Variants in BCO2 observed in about 807,000 individuals in gnomAD.
The protein encoded by BCO2 is carotenoid-cleaving dioxygenase, mitochondrial.
Under a neutral mutation model 65.8 loss-of-function variants are expected in BCO2, and 56 were observed. That is an observed-to-expected ratio of 0.85 (90% CI 0.69 to 1.06). The LOEUF (loss-of-function observed/expected upper bound fraction) is 1.06, where lower values mean the gene tolerates loss of function less well. Among genes scored for constraint, BCO2 ranks in the 50% least tolerant of loss-of-function variants. The pLI is 0.00. For missense variants in BCO2, 675 were observed against 698.5 expected (o/e 0.97, Z 0.38); for synonymous variants, 233 against 242.3 (o/e 0.96, Z 0.36).
intron 8 of BCO2, among the ~76,000 whole-genome samples, chr11:112,207,800 A>C (rs1859387919): frequency 6.6e-6 from 1 of 151,688 alleles, no homozygotes; most frequent in Non-Finnish European, 1.5e-5. Flanking sequence ...ATATCTTTCC[A>C]TTTATTTGAG....
intron 2 of BCO2, chr11:112,181,776 G>C: frequency 1.2e-6 from 1 of 839,986 alleles, no homozygotes; most frequent in South Asian, 1.3e-5. Context: ...TTCTTGTTTG[G>C]ACCTTCGATA....
chr11:112,193,324 C>G, intron 2 of BCO2, 150 bp from the exon 3 acceptor site: 1 of 762,226 alleles, frequency 1.3e-6, no homozygotes. Context: ...GCTCTCCTCC[C>G]ACAATTTCAA....
At chr11:112,193,740 C>A (rs780440569) in intron 3 of BCO2, 43 bp downstream of exon 3, 1 of 1,573,054 alleles carries the variant, frequency 6.4e-7, no homozygotes, top group South Asian at 1.1e-5. Flanking sequence ...ATATAACCAT[C>A]TATACAAACA....
intron 6 of BCO2, 131 bp from the exon 7 acceptor site, chr11:112,200,482 T>A: frequency 1.4e-6 from 1 of 715,696 alleles, no homozygotes; most frequent in South Asian, 2.1e-5. Context: ...AGTAAACATG[T>A]ATTTCTGGCT....
intron 1 of BCO2, among the ~76,000 whole-genome samples, chr11:112,178,727 A>G (rs2135343974): frequency 6.6e-6 from 1 of 152,334 alleles, no homozygotes; most frequent in South Asian, 2.1e-4. Context: ...CTACTGGAAA[A>G]TGCCTTGTAT....
intron 5 of BCO2, among the ~76,000 whole-genome samples, chr11:112,198,472 GAATA>G (rs766525014): frequency 4.6e-5 from 7 of 152,004 alleles, no homozygotes; most frequent in Non-Finnish European, 8.8e-5. Flanking sequence ...AGTAGTTGCA[GAATA>G]AATAAATAAA....
chr11:112,186,365 T>G (rs1004345515), intron 2 of BCO2, among the ~76,000 whole-genome samples: 1 of 152,212 alleles, frequency 6.6e-6, no homozygotes, highest in Non-Finnish European at 1.5e-5. Flanking sequence ...CAAATCAGTT[T>G]CTTCAGAGCC....
intron 2 of BCO2, among the ~76,000 whole-genome samples, chr11:112,185,725 T>G (rs975578346): frequency 6.6e-6 from 1 of 152,228 alleles, no homozygotes; most frequent in African/African-American, 2.4e-5. Context: ...AATGGCTAGA[T>G]GAATTCCAGG....
At position 112,194,658 on chromosome 11, in the gene BCO2, T is replaced by A; in HGVS notation, c.639T>A (p.Asp213Glu). ...IETLEKTEKVDWSKFIAVNGA... is the reference protein window; with the variant it reads ...IETLEKTEKVEWSKFIAVNGA... ...CAGTGGTCTCAAATTTGCAGGTAGA[T>A]TGGAGCAAATTTATTGCTGTGAATG... Residue 213 changes from aspartate (D) to glutamate (E), a missense_variant, in exon 5 of 12, where the codon GAT (aspartate) becomes GAA (glutamate). Transcript: ENST00000357685. 6.2e-7 allele frequency: 1 copy of A among 1,610,206 alleles called. No homozygotes were observed. Among genetic ancestry groups the A allele is most frequent in the Non-Finnish European group, 8.5e-7 (1 of 1,177,078 alleles).
At chr11:112,188,563 T>C (rs548884930) in intron 2 of BCO2, among the ~76,000 whole-genome samples, 173 of 152,250 alleles carry the variant, frequency 1.1e-3, no homozygotes, top group African/African-American at 4.0e-3. Flanking sequence ...TCCGCCCACA[T>C]GCTACCCCCT....
rs367938767 is a variant in BCO2, at chr11:112,203,275, A to C, written c.1194+1085A>C. On this transcript the variant is annotated intron_variant, in intron 8 of 11. Transcript: ENST00000357685. The stretch of plus-strand genomic sequence containing the variant: ...ATTTTTTAGCTATAATTGTCTTTTT[A>C]AATGTTTGTAAAATAGTACTTATTA... Among the ~76,000 whole-genome samples the C allele has an allele frequency of 6.2e-4, 94 of 152,244 alleles. 2 individuals carry two copies. The South Asian group carries it at 0.018, about 28-fold the overall frequency.
At chr11:112,192,371 C>T (rs1237211865) in intron 2 of BCO2, among the ~76,000 whole-genome samples, 2 of 152,098 alleles carry the variant, frequency 1.3e-5, no homozygotes, top group Non-Finnish European at 2.9e-5. Flanking sequence ...AACTGATTAA[C>T]ATGTGTTAAT....
chr11:112,199,936 AAT>A, intron 6 of BCO2, 109 bp downstream of exon 6: 2 of 1,347,968 alleles, frequency 1.5e-6, no homozygotes, highest in Non-Finnish European at 2.0e-6. Flanking sequence ...CTATGGTGAT[AAT>A]GAGACCAAGG....
intron 8 of BCO2, among the ~76,000 whole-genome samples, chr11:112,204,759 G>T (rs531762184): frequency 1.3e-5 from 2 of 151,910 alleles, no homozygotes; most frequent in Non-Finnish European, 2.9e-5. Flanking sequence ...TGCAACCTCC[G>T]CCTCCTCAGT....
intron 2 of BCO2, chr11:112,181,138 CA>C: frequency 7.8e-7 from 1 of 1,274,122 alleles, no homozygotes; most frequent in Non-Finnish European, 1.1e-6. Context: ...TGTTTAAGGA[CA>C]AAGGTGTCTG....
chr11:112,207,521 T>C (rs1383345081), intron 8 of BCO2, among the ~76,000 whole-genome samples: 1 of 152,258 alleles, frequency 6.6e-6, no homozygotes, highest in Non-Finnish European at 1.5e-5. Flanking sequence ...TATATTCTGT[T>C]CCATTGTTTC....
chr11:112,211,702 A>G (rs1859517246), intron 8 of BCO2, among the ~76,000 whole-genome samples: 1 of 152,138 alleles, frequency 6.6e-6, no homozygotes, highest in Non-Finnish European at 1.5e-5. Flanking sequence ...TTTGATTTGC[A>G]TTTTCCTAAT....
intron 1 of BCO2, among the ~76,000 whole-genome samples, chr11:112,178,796 A>G (rs1049105749): frequency 1.3e-5 from 2 of 152,362 alleles, no homozygotes; most frequent in Middle Eastern, 3.4e-3. Context: ...TTAAATTCAC[A>G]GGAATCGCTA....
chr11:112,194,488 CT>C (rs575040034), intron 4 of BCO2, 164 bp from the exon 5 acceptor site: 304 of 542,454 alleles, frequency 5.6e-4, no homozygotes, highest in African/African-American at 3.0e-3. Context: ...ATCTTGATTT[CT>C]TTTTTTTAGT....
Sources: allele counts gnomAD v4.1 joint callset (sites outside exome capture counted in the v4.1 genomes callset), GRCh38; gene constraint gnomAD v4.1.1; transcripts MANE v1.5; gene names NCBI Gene and HGNC (gene_info 2026-07-23, HGNC 2026-07-21).